The following DNAJC10 variants were observed in gnomAD, a reference collection of about 807,000 sequenced individuals.
The protein encoded by DNAJC10 is DnaJ heat shock protein family (Hsp40) member C10, also known as endoplasmic reticulum disulfide reductase DNAJC10.
A neutral mutation model predicts 115.0 loss-of-function variants in DNAJC10; 101 were observed. The ratio of observed to expected loss-of-function variants is 0.88; its 90% CI spans 0.75 to 1.04. DNAJC10 has a LOEUF of 1.04. Ranked by LOEUF, DNAJC10 falls within the 50% of genes least tolerant of loss-of-function variation. DNAJC10 has a pLI of 0.00. For missense variants in DNAJC10, 981 were observed against 928.8 expected, an observed-to-expected ratio of 1.06 and a Z score of -0.73; for synonymous variants, 307 against 301.5, an observed-to-expected ratio of 1.02 and a Z score of -0.19.
At chr2:182,772,335 C>A (rs1694586505) in intron 22 of DNAJC10, among the ~76,000 whole-genome samples, 1 of 152,168 alleles carries the variant, frequency 6.6e-6, no homozygotes, top group African/African-American at 2.4e-5. Context: ...TCTATTAGGT[C>A]TGCTTTTTGC....
At chr2:182,738,499 G>GT (rs1465458187) in intron 11 of DNAJC10, among the ~76,000 whole-genome samples, 2 of 151,870 alleles carry the variant, frequency 1.3e-5, no homozygotes, top group Non-Finnish European at 2.9e-5. Flanking sequence ...AGGGAGTGGT[G>GT]AATTAAACAT....
chr2:182,759,662 G>T (rs1694243586), intron 21 of DNAJC10, among the ~76,000 whole-genome samples: 1 of 151,698 alleles, frequency 6.6e-6, no homozygotes, highest in South Asian at 2.1e-4. Context: ...TCTTTCAAAT[G>T]TCATTTCTTA....
chr2:182,745,736 T>G (rs956519622), intron 14 of DNAJC10, among the ~76,000 whole-genome samples: 1 of 152,008 alleles, frequency 6.6e-6, no homozygotes, highest in African/African-American at 2.4e-5. Flanking sequence ...TTGAATTTTT[T>G]TTTAATTTAT....
At chr2:182,769,328 T>C (rs1423400790) in intron 22 of DNAJC10, among the ~76,000 whole-genome samples, 2 of 152,216 alleles carry the variant, frequency 1.3e-5, no homozygotes, top group Non-Finnish European at 2.9e-5. Context: ...TATAATCCTC[T>C]GGGTCTATAC....
chr2:182,724,155 G>A (rs1253714154), intron 5 of DNAJC10, among the ~76,000 whole-genome samples: 2 of 152,134 alleles, frequency 1.3e-5, no homozygotes, highest in African/African-American at 2.4e-5. Context: ...TAAGGATTGC[G>A]GGGATTAAAT....
intron 14 of DNAJC10, among the ~76,000 whole-genome samples, chr2:182,746,157 T>A (rs954695017): frequency 2.6e-5 from 4 of 152,228 alleles, no homozygotes; most frequent in Non-Finnish European, 4.4e-5. Context: ...TTGGGTTGGT[T>A]CCAAGTCTTT....
Position 182,777,158 on chromosome 2 carries a change from TA to T in DNAJC10, c.*30del. The stretch of plus-strand genomic sequence containing the variant: ...TAATGTTGAAGATGAAGAAAAAGTT[TA>T]AAAGAAATTCTGACAGATGACATCA... On this transcript the variant is annotated 3_prime_UTR_variant, in exon 24 of 24. Transcript: ENST00000264065. The T allele has an allele frequency of 7.4e-7, 1 of 1,358,016 alleles. No individual in the cohort carries two copies. Among genetic ancestry groups the T allele is most frequent in the South Asian group, 1.6e-5 (1 of 61,518 alleles). 84.1% of individuals were successfully genotyped at this position (1,358,016 alleles called of 1,614,324 possible).
chr2:182,773,933 C>T (rs1220101923), intron 22 of DNAJC10, among the ~76,000 whole-genome samples: 1 of 152,100 alleles, frequency 6.6e-6, no homozygotes, highest in Non-Finnish European at 1.5e-5. Context: ...GAATTTTTAG[C>T]TTTTCTGCTC....
Position 182,729,883 on chromosome 2 carries a change from G to C in DNAJC10, c.669G>C (p.Glu223Asp), listed in dbSNP as rs2105622534. 1 of 1,611,208 alleles carries C rather than the reference G, an allele frequency of 6.2e-7. No individual in the cohort carries two copies. Among genetic ancestry groups the C allele is most frequent in the Non-Finnish European group, 8.5e-7 (1 of 1,178,732 alleles). The change falls in exon 8 of 24, where the codon GAG becomes GAC. Residue 223 changes from glutamate (E) to aspartate (D), a missense_variant. Transcript: ENST00000264065. ...AATATCATGGAGACAGATCAAAGGAGAGTTTAGTGAGTTTTGCAATGCAGC... is the reference window on the plus strand; with the variant it reads ...AATATCATGGAGACAGATCAAAGGACAGTTTAGTGAGTTTTGCAATGCAGC... ...PVKYHGDRSK[E>D]SLVSFAMQHV... is the part of the protein sequence containing the mutation.
In DNAJC10 at chr2:182,751,163, A is replaced by G. The variant is rs143200127; in HGVS notation, c.1307-495A>G. ...TTTTTTTTTTTTTTTTTTGAAATGG[A>G]GTCTCACTCTCACCAGGCTGGAGTG... On this transcript the variant is annotated intron_variant, in intron 14 of 23. Coordinates refer to ENST00000264065, the MANE Select transcript of DNAJC10 (RefSeq NM_018981.4). Among the ~76,000 whole-genome samples the G allele has an allele frequency of 6.9e-3, 622 of 89,958 alleles. 8 individuals are homozygous for G. Among genetic ancestry groups the G allele is most frequent in the Middle Eastern group, 0.064 (5 of 78 alleles). 59.0% of individuals were successfully genotyped at this position (89,958 alleles called of 152,430 possible).
intron 20 of DNAJC10, 121 bp downstream of exon 20, chr2:182,759,011 G>A (rs1375698552): frequency 1.9e-6 from 2 of 1,055,090 alleles, no homozygotes; most frequent in Admixed American, 2.4e-5. Flanking sequence ...ACTTAGTAAA[G>A]TATTATATTA....
chr2:182,758,916 G>A (rs774915463), intron 20 of DNAJC10, 26 bp downstream of exon 20: 1 of 1,512,790 alleles, frequency 6.6e-7, no homozygotes, highest in Admixed American at 1.7e-5. Flanking sequence ...ATATATCATT[G>A]TATAAAATAG....
intron 14 of DNAJC10, among the ~76,000 whole-genome samples, chr2:182,746,972 A>G (rs1189438946): frequency 6.6e-6 from 1 of 151,592 alleles, no homozygotes; most frequent in African/African-American, 2.4e-5. Context: ...TCCCAGCACC[A>G]TTTATTAAAT....
At chr2:182,769,993 TG>T (rs1173415496) in intron 22 of DNAJC10, among the ~76,000 whole-genome samples, 2 of 152,246 alleles carry the variant, frequency 1.3e-5, no homozygotes, top group Non-Finnish European at 2.9e-5. Context: ...AATTAATTTT[TG>T]TATAAGGTGT....
At chr2:182,722,948 A>T (rs1020319716) in intron 5 of DNAJC10, among the ~76,000 whole-genome samples, 12 of 152,048 alleles carry the variant, frequency 7.9e-5, no homozygotes, top group African/African-American at 2.9e-4. Flanking sequence ...AAAAATACAT[A>T]TAAATCTATA....
intron 18 of DNAJC10, among the ~76,000 whole-genome samples, chr2:182,757,014 A>AT (rs1273849959): frequency 2.0e-5 from 3 of 152,010 alleles, no homozygotes; most frequent in Non-Finnish European, 4.4e-5. Context: ...ATTTTTTCTA[A>AT]TTTTTTTCCT....
chr2:182,778,437 A>G lies in DNAJC10; in HGVS notation c.*1305A>G, dbSNP rs1694765119. The G allele has an allele frequency of 6.6e-6, 1 of 152,206 alleles. No individual in the cohort carries two copies. The highest frequency in any genetic ancestry group is 1.5e-5 in the Non-Finnish European group (1 of 68,024). The allele number at this position is 152,206 out of a possible 1,614,324, so 9.4% of individuals were successfully genotyped here. Reference sequence around the variant, plus strand: ...ACATGTAGTTGTTTAGTTATAATTCAGAGTGTACAGAATGGTAAAAATTCC... The same window carrying G: ...ACATGTAGTTGTTTAGTTATAATTCGGAGTGTACAGAATGGTAAAAATTCC... On this transcript the variant is annotated 3_prime_UTR_variant, in exon 24 of 24. Coordinates refer to ENST00000264065, the MANE Select transcript of DNAJC10 (RefSeq NM_018981.4).
At chr2:182,726,420 A>C (rs1693284532) in intron 5 of DNAJC10, among the ~76,000 whole-genome samples, 1 of 152,176 alleles carries the variant, frequency 6.6e-6, no homozygotes, top group South Asian at 2.1e-4. Context: ...TTGATATGAC[A>C]ACAAAGGATT....
At chr2:182,772,174 G>T (rs891679793) in intron 22 of DNAJC10, among the ~76,000 whole-genome samples, 1 of 152,224 alleles carries the variant, frequency 6.6e-6, no homozygotes, top group Admixed American at 6.5e-5. Flanking sequence ...TTGCACTGTG[G>T]TCTGAGAGAC....
Sources: gnomAD v4.1 joint callset for allele counts (sites outside exome capture counted in the v4.1 genomes callset) on GRCh38, gnomAD v4.1.1 for gene constraint, MANE v1.5 for transcripts, NCBI Gene and HGNC (gene_info 2026-07-23, HGNC 2026-07-21) for gene names.